The following PARP4 variants were observed in gnomAD, a reference collection of about 807,000 sequenced individuals.
PARP4 encodes the protein poly(ADP-ribose) polymerase family member 4.
In PARP4, 120 loss-of-function variants were observed where a neutral mutation model predicts 187.7. That is an observed-to-expected ratio of 0.64 (90% CI 0.55 to 0.74). The LOEUF is 0.74. PARP4 is among the 30% of genes least tolerant of loss of function. The pLI, the probability that PARP4 is intolerant of heterozygous loss-of-function variation, is 0.00. For synonymous variants in PARP4, 654 were observed against 740.9 expected (o/e 0.88, Z 1.90); for missense variants, 1,836 against 2,070.5 (o/e 0.89, Z 2.20).
chr13:24,485,457 G>A (rs1015321071), intron 11 of PARP4, among the ~76,000 whole-genome samples: 1 of 152,156 alleles, frequency 6.6e-6, no homozygotes, highest in Non-Finnish European at 1.5e-5. Flanking sequence ...ATTCATGCAA[G>A]TTGTCTTTTG....
intron 32 of PARP4, among the ~76,000 whole-genome samples, chr13:24,430,470 T>C (rs1175546360): frequency 6.6e-6 from 1 of 151,926 alleles, no homozygotes; most frequent in Admixed American, 6.6e-5. Context: ...CTGGACAACA[T>C]GGCAAAACCC....
intron 33 of PARP4, among the ~76,000 whole-genome samples, chr13:24,425,579 A>G (rs920466706): frequency 2.0e-4 from 24 of 118,000 alleles, no homozygotes; most frequent in African/African-American, 9.1e-4. Flanking sequence ...GTATATCTAT[A>G]TCTATATCTA....
chr13:24,501,824 A>C lies in PARP4; in HGVS notation c.143T>G (p.Ile48Arg), dbSNP rs1252946650. Residue 48 changes from isoleucine to arginine, a missense_variant, in exon 3 of 34, where the codon ATA (isoleucine) becomes AGA (arginine). By Grantham distance (97) the Ile-to-Arg change is moderately conservative. This residue lies in a region of PARP4 where 1,147 missense variants were observed against 1,214.2 expected (regional missense o/e 0.94). Coordinates refer to ENST00000381989, the MANE Select transcript of PARP4 (RefSeq NM_006437.4). ...CAGAACATCAGCATTATCTAAGATT[A>C]TATGTGTGCACTAAGGAAAAAAAGA... ...SFSLNPQCTH[I>R]ILDNADVLSQ... The C allele has an allele frequency of 6.2e-5, 100 of 1,603,884 alleles. No individual in the cohort carries two copies. Among genetic ancestry groups the C allele is most frequent in the Non-Finnish European group, 8.1e-5 (95 of 1,171,108 alleles).
intron 23 of PARP4, 38 bp from the exon 24 acceptor site, chr13:24,452,631 T>C: frequency 3.3e-6 from 5 of 1,537,706 alleles, no homozygotes; most frequent in Non-Finnish European, 4.4e-6. Context: ...TTCTCCTTGT[T>C]GGATGCAGTC....
intron 17 of PARP4, among the ~76,000 whole-genome samples, chr13:24,466,869 C>T (rs1057368933): frequency 3.5e-5 from 5 of 142,518 alleles, no homozygotes; most frequent in Admixed American, 1.4e-4. Flanking sequence ...AAAAACAATA[C>T]AAGAGAAAGC....
chr13:24,506,465 A>T (rs1869691209), intron 1 of PARP4, among the ~76,000 whole-genome samples: 2 of 152,144 alleles, frequency 1.3e-5, no homozygotes, highest in Non-Finnish European at 2.9e-5. Flanking sequence ...CCCCACCCAC[A>T]TCCTGCTGAT....
intron 11 of PARP4, 145 bp from the exon 12 acceptor site, chr13:24,484,893 C>T (rs1232866595): frequency 1.9e-6 from 1 of 535,608 alleles, no homozygotes; most frequent in Non-Finnish European, 3.4e-6. Flanking sequence ...TCCGGAAACA[C>T]AAGGGAAATT....
In PARP4 at chr13:24,486,322, A is replaced by G. The variant is rs112718859; in HGVS notation, c.1215-17T>C. 0.01 allele frequency: 15,818 copies of G among 1,531,720 alleles called. 212 individuals carry two copies. Among genetic ancestry groups the G allele is most frequent in the African/African-American group, 0.068 (4,955 of 72,624 alleles). 94.9% of individuals were successfully genotyped at this position (1,531,720 alleles called of 1,614,324 possible). ...GGGCTCTTACTGTAAGAATTAGAAG[A>G]AAAGCCTTTAGATTACATAATTGGA... On this transcript the variant is annotated splice_polypyrimidine_tract_variant and intron_variant, in intron 10 of 33. Transcript: ENST00000381989.
chr13:24,444,504 G>T (rs1789001296), intron 27 of PARP4, among the ~76,000 whole-genome samples: 1 of 152,086 alleles, frequency 6.6e-6, no homozygotes, highest in Non-Finnish European at 1.5e-5. Flanking sequence ...AAAAAACCCA[G>T]CAATGTCTGG....
chr13:24,430,277 G>T (rs1870268384), intron 32 of PARP4, among the ~76,000 whole-genome samples: 2 of 152,098 alleles, frequency 1.3e-5, no homozygotes, highest in Admixed American at 1.3e-4. Context: ...TTTTAGAGGT[G>T]ATGGTGGGGC....
chr13:24,511,478 C>T (rs1870016211), intron 1 of PARP4, among the ~76,000 whole-genome samples: 1 of 152,190 alleles, frequency 6.6e-6, no homozygotes, highest in African/African-American at 2.4e-5. Flanking sequence ...CACAGAGTGT[C>T]TTCCACCCAA....
In PARP4 at chr13:24,437,714, G is replaced by A. The variant is rs112441103; in HGVS notation, c.3667-2240C>T. 3.5e-3 allele frequency among the ~76,000 whole-genome samples: 531 copies of A among 152,110 alleles called. 2 individuals are homozygous for A. Among genetic ancestry groups the A allele is most frequent in the South Asian group, 0.028 (136 of 4,810 alleles). The stretch of plus-strand genomic sequence containing the variant: ...AAAAATTGATTAAGTCAGGTATTGT[G>A]GAGCATCCCAGCTACTCAGGAGGCT... On this transcript the variant is annotated intron_variant, in intron 30 of 33. Transcript: ENST00000381989.
Position 24,501,651 on chromosome 13 carries a change from G to T in PARP4, c.316C>A (p.Gln106Lys). Residue 106 changes from glutamine (Q) to lysine (K), a missense_variant, in exon 3 of 34, where the codon CAG (glutamine) becomes AAG (lysine). Gln to Lys is a moderately conservative substitution (Grantham distance 53). Coordinates refer to ENST00000381989, the MANE Select transcript of PARP4 (RefSeq NM_006437.4). ...TACCTACCAGAACTGCTCGCCTTCT[G>T]ATCAGGAGGTGGTGTGATGTCCAGG... ...KPLDITPPPD[Q>K]KASSSEVKTE... is the part of the protein sequence containing the mutation. 6.2e-7 allele frequency: 1 copy of T among 1,612,684 alleles called. No individual in the cohort carries two copies. The highest frequency in any genetic ancestry group is 8.5e-7 in the Non-Finnish European group (1 of 1,178,770).
At chr13:24,452,204 C>T in intron 24 of PARP4, 4 of 505,464 alleles carry the variant, frequency 7.9e-6, no homozygotes, top group Non-Finnish European at 1.4e-5. Flanking sequence ...GGAACTTGCT[C>T]AAGGTCACGG....
At chr13:24,506,049 A>G (rs913673259) in intron 1 of PARP4, among the ~76,000 whole-genome samples, 2 of 152,088 alleles carry the variant, frequency 1.3e-5, no homozygotes, top group African/African-American at 4.8e-5. Flanking sequence ...CTGTGTCTGG[A>G]ATTTGTGGGT....
chr13:24,467,180 A>T (rs1872517596), intron 17 of PARP4, among the ~76,000 whole-genome samples: 1 of 152,196 alleles, frequency 6.6e-6, no homozygotes, highest in Non-Finnish European at 1.5e-5. Flanking sequence ...AATGAGGAGG[A>T]CATAAGTCGT....
At chr13:24,451,048 A>T (rs573202868) in intron 24 of PARP4, among the ~76,000 whole-genome samples, 3 of 151,674 alleles carry the variant, frequency 2.0e-5, no homozygotes, top group African/African-American at 7.3e-5. Flanking sequence ...ACCTCATCAC[A>T]CTCCCTTGAT....
intron 25 of PARP4, among the ~76,000 whole-genome samples, chr13:24,448,767 A>G (rs150315182): frequency 6.6e-6 from 1 of 152,342 alleles, no homozygotes; most frequent in African/African-American, 2.4e-5. Context: ...CCATCCATGC[A>G]ATGGAATATT....
intron 15 of PARP4, among the ~76,000 whole-genome samples, chr13:24,471,925 C>T (rs946960367): frequency 3.3e-5 from 5 of 152,160 alleles, no homozygotes; most frequent in South Asian, 2.1e-4. Context: ...ATGAGGAAAA[C>T]GAGGCAAAAG....
Sources: allele counts gnomAD v4.1 joint callset (sites outside exome capture counted in the v4.1 genomes callset), GRCh38; gene constraint gnomAD v4.1.1; regional missense constraint gnomAD v4.1.1; transcripts MANE v1.5; gene names NCBI Gene and HGNC (gene_info 2026-07-23, HGNC 2026-07-21).